The following TCTN3 variants were observed in gnomAD, a reference collection of about 807,000 sequenced individuals.
The protein encoded by TCTN3 is tectonic-3.
TCTN3 carries 57 observed loss-of-function variants against 71.3 expected under a neutral mutation model. That is an observed-to-expected ratio of 0.80 (90% CI 0.65 to 1.00). The LOEUF is 1.00. Ranked by LOEUF, TCTN3 falls within the 50% of genes least tolerant of loss-of-function variation. The pLI is 0.00. For missense variants in TCTN3, 696 were observed against 719.9 expected, an observed-to-expected ratio of 0.97 and a Z score of 0.38; for synonymous variants, 258 against 267.8, an observed-to-expected ratio of 0.96 and a Z score of 0.36.
intron 12 of TCTN3, among the ~76,000 whole-genome samples, chr10:95,681,569 G>A (rs10882652): frequency 0.35 from 53,921 of 152,038 alleles, 10,170 homozygotes; most frequent in East Asian, 0.7. Context: ...AGAGAGCCTC[G>A]AAAGTTTCCA....
Position 95,683,140 on chromosome 10 carries a change from A to G in TCTN3, c.1259T>C (p.Val420Ala). 1.2e-6 allele frequency: 2 copies of G among 1,614,184 alleles called. No individual in the cohort carries two copies. The highest frequency in any genetic ancestry group is 1.7e-6 in the Non-Finnish European group (2 of 1,180,024). ...NGSCSVKRHE[V>A]QFGVNAISGC... is the part of the protein sequence containing the mutation. ...AGATATTGCATTCACTCCAAACTGC[A>G]CTTCATGTCTTTTAACAGAGCAACT... The change falls in exon 11 of 14, where the codon GTG becomes GCG. Residue 420 changes from valine (V) to alanine (A), a missense_variant. By Grantham distance (64) the Val-to-Ala change is moderately conservative. Transcript: ENST00000371217.
intron 3 of TCTN3, 161 bp downstream of exon 3, chr10:95,692,759 T>C (rs1050093032): frequency 3.6e-5 from 20 of 554,726 alleles, no homozygotes; most frequent in East Asian, 6.2e-5. Flanking sequence ...ACATTTGACA[T>C]TTTTTTTGCT....
intron 13 of TCTN3, among the ~76,000 whole-genome samples, chr10:95,677,474 G>GGTT (rs2097938217): frequency 2.5e-5 from 2 of 80,736 alleles, no homozygotes; most frequent in African/African-American, 3.5e-5. Context: ...GAAGTCTACA[G>GGTT]TTTTTTTTGT....
intron 13 of TCTN3, among the ~76,000 whole-genome samples, chr10:95,669,915 T>C (rs978716155): frequency 1.3e-5 from 2 of 150,766 alleles, no homozygotes; most frequent in Admixed American, 1.3e-4. Flanking sequence ...TACAAAAAAT[T>C]AGCCGGGCGA....
At chr10:95,670,614 C>T (rs531630798) in intron 13 of TCTN3, among the ~76,000 whole-genome samples, 29 of 152,036 alleles carry the variant, frequency 1.9e-4, no homozygotes, top group African/African-American at 6.5e-4. Flanking sequence ...GCAATCCATC[C>T]GCCTCCGCCT....
chr10:95,691,829 C>T (rs2097953781), intron 3 of TCTN3, among the ~76,000 whole-genome samples: 2 of 152,254 alleles, frequency 1.3e-5, no homozygotes, highest in African/African-American at 4.8e-5. Flanking sequence ...AGTTGTAGAG[C>T]GCTTTCATAT....
chr10:95,679,138 G>T (rs531673636), intron 13 of TCTN3, among the ~76,000 whole-genome samples: 1 of 152,222 alleles, frequency 6.6e-6, no homozygotes, highest in South Asian at 2.1e-4. Flanking sequence ...TTGTAGCGGG[G>T]ACAAACTAAC....
At chr10:95,668,314 GTAA>G (rs1422418843) in intron 13 of TCTN3, among the ~76,000 whole-genome samples, 1 of 148,332 alleles carries the variant, frequency 6.7e-6, no homozygotes, top group East Asian at 2.0e-4. Context: ...TGTTAATCAT[GTAA>G]TAATAATAGA....
intron 13 of TCTN3, among the ~76,000 whole-genome samples, chr10:95,668,255 CA>C (rs374400684): frequency 0.01 from 1,260 of 120,064 alleles, 7 homozygotes; most frequent in South Asian, 0.021. Flanking sequence ...ATAGGAGTGC[CA>C]AAAAAAAAAA....
intron 13 of TCTN3, among the ~76,000 whole-genome samples, chr10:95,672,884 A>T (rs764001283): frequency 4.0e-5 from 6 of 151,302 alleles, no homozygotes; most frequent in Non-Finnish European, 7.4e-5. Flanking sequence ...GTAGAGATGG[A>T]GTTTCACCAT....
At chr10:95,689,624 T>C (rs1366313719) in intron 3 of TCTN3, among the ~76,000 whole-genome samples, 1 of 152,222 alleles carries the variant, frequency 6.6e-6, no homozygotes, top group Non-Finnish European at 1.5e-5. Flanking sequence ...AAAGTTTACA[T>C]TTTGTCTCTC....
chr10:95,692,242 C>T (rs2097954160), intron 3 of TCTN3, among the ~76,000 whole-genome samples: 1 of 152,138 alleles, frequency 6.6e-6, no homozygotes, highest in Non-Finnish European at 1.5e-5. Flanking sequence ...GGCGCGGTGG[C>T]TCACACCTGT....
At chr10:95,665,665 C>G (rs1426050648) in intron 13 of TCTN3, among the ~76,000 whole-genome samples, 4 of 152,128 alleles carry the variant, frequency 2.6e-5, no homozygotes, top group Admixed American at 1.3e-4. Context: ...GCTATTCTAA[C>G]TCATTTCAGA....
At position 95,693,058 on chromosome 10, in the gene TCTN3, A is replaced by G. The variant is rs763088255; in HGVS notation, c.381-20T>C. 1 of 1,573,136 alleles carries G rather than the reference A, an allele frequency of 6.4e-7. No homozygotes were observed. The highest frequency in any genetic ancestry group is 1.1e-5 in the South Asian group (1 of 88,688). Reference sequence around the variant, plus strand: ...GAAGACCTGTGAGGAAAGAGGAGGGAGAAGATATATTTAGAAGGGGCGGGG... The same window carrying G: ...GAAGACCTGTGAGGAAAGAGGAGGGGGAAGATATATTTAGAAGGGGCGGGG... On this transcript the variant is annotated intron_variant, in intron 2 of 13. Coordinates refer to ENST00000371217, the MANE Select transcript of TCTN3 (RefSeq NM_015631.6).
At chr10:95,687,013 G>T in intron 6 of TCTN3, 31 bp downstream of exon 6, 2 of 1,534,528 alleles carry the variant, frequency 1.3e-6, no homozygotes, top group Non-Finnish European at 1.8e-6. Context: ...CTTCATAGTA[G>T]TGACAGTGTA....
chr10:95,667,391 A>C (rs527941064), intron 13 of TCTN3, among the ~76,000 whole-genome samples: 17 of 152,338 alleles, frequency 1.1e-4, no homozygotes, highest in African/African-American at 2.9e-4. Context: ...GATGGCAGCA[A>C]GGTTTAACAG....
chr10:95,687,893 C>G (rs1487433929), intron 3 of TCTN3, among the ~76,000 whole-genome samples, 174 bp from the exon 4 acceptor site: 2 of 152,134 alleles, frequency 1.3e-5, no homozygotes, highest in Admixed American at 1.3e-4. Context: ...GATCAAGTTA[C>G]AGAATATTTC....
chr10:95,680,625 G>T lies in TCTN3; in HGVS notation c.1453-16C>A, dbSNP rs2097942088. ...AGTTTATAGCCTGCAGAAGGGTAAA[G>T]AAGCATCTGCTTGAATTGCCTGATG... On this transcript the variant is annotated splice_polypyrimidine_tract_variant and intron_variant, in intron 12 of 13. Transcript: ENST00000371217. 1 of 1,610,762 alleles carries T rather than the reference G, an allele frequency of 6.2e-7. No homozygotes were observed. Among genetic ancestry groups the T allele is most frequent in the Admixed American group, 1.7e-5 (1 of 59,332 alleles).
chr10:95,679,753 G>A (rs1343221630), intron 13 of TCTN3, among the ~76,000 whole-genome samples: 6 of 151,380 alleles, frequency 4.0e-5, no homozygotes, highest in South Asian at 4.2e-4. Context: ...CACTACGCCC[G>A]GCTATTTTTT....
Sources: gnomAD v4.1 joint callset for allele counts (sites outside exome capture counted in the v4.1 genomes callset) on GRCh38, gnomAD v4.1.1 for gene constraint, MANE v1.5 for transcripts, NCBI Gene and HGNC (gene_info 2026-07-23, HGNC 2026-07-21) for gene names.